The following MOSMO variants were observed in gnomAD, a reference collection of about 807,000 sequenced individuals.
MOSMO encodes the protein modulator of smoothened.
In MOSMO, 5 loss-of-function variants were observed where a neutral mutation model predicts 18.4. The ratio of observed to expected loss-of-function variants is 0.27; its 90% CI spans 0.14 to 0.57. The LOEUF (loss-of-function observed/expected upper bound fraction) is 0.57. MOSMO is among the 20% of genes least tolerant of loss of function. The probability of loss-of-function intolerance (pLI) is 0.92; values close to 1 mark genes in which losing one functional copy is unlikely to be tolerated. For synonymous variants in MOSMO, 82 were observed against 82.3 expected, an observed-to-expected ratio of 1.00 and a Z score of 0.02; for missense variants, 138 against 211.8, an observed-to-expected ratio of 0.65 and a Z score of 2.16.
chr16:22,069,434 G>T (rs917964742), intron 1 of MOSMO, among the ~76,000 whole-genome samples: 1 of 152,076 alleles, frequency 6.6e-6, no homozygotes. Context: ...AGAAGAGCCA[G>T]ATCCAAGAAA....
intron 2 of MOSMO, among the ~76,000 whole-genome samples, chr16:22,079,893 C>T (rs1453367468): frequency 4.6e-5 from 7 of 152,206 alleles, no homozygotes. Flanking sequence ...AAGTGATTCT[C>T]CTGCCTCAGC....
chr16:22,027,986 A>T (rs556018453), intron 1 of MOSMO, among the ~76,000 whole-genome samples: 1 of 152,176 alleles, frequency 6.6e-6, no homozygotes, highest in South Asian at 2.1e-4. Flanking sequence ...TTTAAAATGT[A>T]TCGTTTTTTA....
At chr16:22,040,918 C>T (rs1441912405) in intron 1 of MOSMO, among the ~76,000 whole-genome samples, 3 of 152,012 alleles carry the variant, frequency 2.0e-5, no homozygotes, top group East Asian at 1.9e-4. Flanking sequence ...GAGCCAAGAT[C>T]GCGCTACTGC....
At chr16:22,060,451 C>T (rs1332459536) in intron 1 of MOSMO, among the ~76,000 whole-genome samples, 1 of 152,158 alleles carries the variant, frequency 6.6e-6, no homozygotes, top group Non-Finnish European at 1.5e-5. Flanking sequence ...AATAAAACCA[C>T]AGTAAGAGAC....
At chr16:22,038,788 T>G (rs1449548223) in intron 1 of MOSMO, among the ~76,000 whole-genome samples, 1 of 152,214 alleles carries the variant, frequency 6.6e-6, no homozygotes, top group Non-Finnish European at 1.5e-5. Context: ...AAGCATAAAT[T>G]TTTTAATGAT....
chr16:22,027,628 G>A (rs1294515810), intron 1 of MOSMO, among the ~76,000 whole-genome samples: 1 of 152,130 alleles, frequency 6.6e-6, no homozygotes, highest in Non-Finnish European at 1.5e-5. Flanking sequence ...ATGAGTGATA[G>A]GGACAGAAAA....
At chr16:22,058,297 GCT>G (rs1900575322) in intron 1 of MOSMO, among the ~76,000 whole-genome samples, 1 of 151,946 alleles carries the variant, frequency 6.6e-6, no homozygotes, top group Non-Finnish European at 1.5e-5. Flanking sequence ...GTGATGGCGT[GCT>G]CCTGTAATCC....
intron 1 of MOSMO, among the ~76,000 whole-genome samples, chr16:22,052,967 T>A (rs1023067536): frequency 6.7e-6 from 1 of 148,246 alleles, no homozygotes. Context: ...TTTTTTTTTT[T>A]TTTTTGAGAC....
At chr16:22,054,450 T>C (rs764188494) in intron 1 of MOSMO, among the ~76,000 whole-genome samples, 1 of 152,154 alleles carries the variant, frequency 6.6e-6, no homozygotes, top group Non-Finnish European at 1.5e-5. Context: ...AATTTTTCCT[T>C]GAAAGTTAGA....
chr16:22,009,299 G>T (rs1899465993), intron 1 of MOSMO, among the ~76,000 whole-genome samples: 1 of 152,156 alleles, frequency 6.6e-6, no homozygotes, highest in Non-Finnish European at 1.5e-5. Flanking sequence ...CATTACAGTT[G>T]CAGGCAGCCC....
intron 1 of MOSMO, among the ~76,000 whole-genome samples, chr16:22,047,211 A>G (rs900961431): frequency 1.5e-5 from 2 of 137,732 alleles, no homozygotes; most frequent in African/African-American, 5.4e-5. Context: ...ATTTCCTTTT[A>G]GTATTCTATA....
chr16:22,079,678 T>G (rs1414620976), intron 2 of MOSMO, among the ~76,000 whole-genome samples: 1 of 152,210 alleles, frequency 6.6e-6, no homozygotes, highest in Non-Finnish European at 1.5e-5. Context: ...CAGACAGAGA[T>G]TTTATTTTTT....
At chr16:22,069,164 A>G (rs1279672839) in intron 1 of MOSMO, among the ~76,000 whole-genome samples, 1 of 152,194 alleles carries the variant, frequency 6.6e-6, no homozygotes, top group Non-Finnish European at 1.5e-5. Flanking sequence ...AAGATAGCCC[A>G]GGAGCAACTT....
chr16:22,013,164 A>G (rs1385877773), intron 1 of MOSMO, among the ~76,000 whole-genome samples: 1 of 152,188 alleles, frequency 6.6e-6, no homozygotes, highest in Admixed American at 6.5e-5. Flanking sequence ...AAGCACTTTG[A>G]CATCCATTAC....
intron 1 of MOSMO, among the ~76,000 whole-genome samples, chr16:22,017,215 T>C (rs1899658425): frequency 6.6e-6 from 1 of 152,212 alleles, no homozygotes; most frequent in Non-Finnish European, 1.5e-5. Context: ...ATTGTCACCA[T>C]TGAATTATAA....
At chr16:22,075,848 C>T in intron 2 of MOSMO, 149 bp downstream of exon 2, 1 of 592,182 alleles carries the variant, frequency 1.7e-6, no homozygotes, top group Non-Finnish European at 3.0e-6. Context: ...CTACACAGTC[C>T]CATCATTTCT....
At chr16:22,056,715 A>G (rs1398628313) in intron 1 of MOSMO, among the ~76,000 whole-genome samples, 1 of 152,010 alleles carries the variant, frequency 6.6e-6, no homozygotes, top group African/African-American at 2.4e-5. Context: ...ACAAACAAAA[A>G]TATTTTAGTG....
intron 1 of MOSMO, among the ~76,000 whole-genome samples, chr16:22,016,424 C>G (rs1424688275): frequency 6.6e-6 from 1 of 152,112 alleles, no homozygotes; most frequent in Admixed American, 6.6e-5. Flanking sequence ...TTTACTTATA[C>G]CTGCCTTGTT....
At chr16:22,040,370 G>A (rs1432508680) in intron 1 of MOSMO, among the ~76,000 whole-genome samples, 1 of 152,044 alleles carries the variant, frequency 6.6e-6, no homozygotes, top group Non-Finnish European at 1.5e-5. Flanking sequence ...CATAACACAA[G>A]TTTACCTATG....
Sources: gnomAD v4.1 joint callset for allele counts (sites outside exome capture counted in the v4.1 genomes callset) on GRCh38, gnomAD v4.1.1 for gene constraint, MANE v1.5 for transcripts, NCBI Gene and HGNC (gene_info 2026-07-23, HGNC 2026-07-21) for gene names.